The following CBR4 variants were observed in gnomAD, a reference collection of about 807,000 sequenced individuals.
CBR4 encodes carbonyl reductase 4.
Under a neutral mutation model 21.0 loss-of-function variants are expected in CBR4, and 22 were observed. The observed-to-expected ratio is 1.05, with a 90% CI of 0.75 to 1.50. CBR4 has a LOEUF of 1.50. CBR4 is among the 40% of genes most tolerant of loss of function. CBR4 has a pLI of 0.00. For synonymous variants in CBR4, 100 were observed against 104.4 expected, an observed-to-expected ratio of 0.96 and a Z score of 0.26; for missense variants, 302 against 286.3, an observed-to-expected ratio of 1.05 and a Z score of -0.40.
At chr4:168,968,427 G>C (rs939524870) in intron 2 of CBR4, among the ~76,000 whole-genome samples, 1 of 152,194 alleles carries the variant, frequency 6.6e-6, no homozygotes, top group Non-Finnish European at 1.5e-5. Context: ...AGTTGATACA[G>C]CCCTAGGGCA....
At chr4:168,928,204 C>G (rs1353993210) in intron 2 of CBR4, 1 of 186,118 alleles carries the variant, frequency 5.4e-6, no homozygotes, top group Non-Finnish European at 1.1e-5. Context: ...ATGGACCTAT[C>G]TCTATTGTAG....
intron 2 of CBR4, chr4:168,916,036 T>C (rs1389340256): frequency 6.2e-7 from 1 of 1,612,240 alleles, no homozygotes. Context: ...AAGTAAGATT[T>C]TGTTATTGCT....
chr4:168,935,578 G>A (rs1194705312), intron 2 of CBR4, among the ~76,000 whole-genome samples: 2 of 152,290 alleles, frequency 1.3e-5, no homozygotes, highest in South Asian at 2.1e-4. Context: ...TGGTGAGGGA[G>A]GGGTGTCTGC....
intron 2 of CBR4, among the ~76,000 whole-genome samples, chr4:168,954,087 A>T (rs555283308): frequency 6.6e-6 from 1 of 152,330 alleles, no homozygotes; most frequent in East Asian, 1.9e-4. Context: ...GAATCCACCA[A>T]CAGATGAAAA....
chr4:168,960,809 C>A (rs770094846), intron 2 of CBR4, among the ~76,000 whole-genome samples: 2 of 152,168 alleles, frequency 1.3e-5, no homozygotes, highest in African/African-American at 4.8e-5. Flanking sequence ...AGAGAGAGTA[C>A]CTCTTACCAA....
chr4:168,945,467 T>G (rs561540074), intron 2 of CBR4, among the ~76,000 whole-genome samples: 1 of 152,224 alleles, frequency 6.6e-6, no homozygotes, highest in Non-Finnish European at 1.5e-5. Flanking sequence ...TGTTCTCTGC[T>G]AATGAGATTA....
chr4:168,976,279 G>C (rs1281341957), intron 2 of CBR4, among the ~76,000 whole-genome samples: 1 of 152,110 alleles, frequency 6.6e-6, no homozygotes, highest in Non-Finnish European at 1.5e-5. Context: ...CCATGGGCTC[G>C]AGCTAAGGAC....
intron 4 of CBR4, among the ~76,000 whole-genome samples, chr4:168,991,681 A>G (rs911023708): frequency 6.6e-6 from 1 of 152,226 alleles, no homozygotes; most frequent in Non-Finnish European, 1.5e-5. Context: ...AAAATCTTAC[A>G]AGATTAATAC....
rs70961566 is a variant in CBR4 at position 168,971,436 on chromosome 4, A to ATTTTTTT, written n.169+30628_169+30634dup. Among the ~76,000 whole-genome samples the ATTTTTTT allele has an allele frequency of 1.7e-3, 197 of 113,820 alleles. 2 individuals carry two copies. Among genetic ancestry groups the ATTTTTTT allele is most frequent in the Non-Finnish European group, 2.2e-3 (126 of 56,968 alleles). The allele number at this position is 113,820 out of a possible 152,430, so 74.7% of individuals were successfully genotyped here. ...AGGCACACACCACCATGCCCAGCTC[A>ATTTTTTT]TTTTTTTTTTTTTTTTTTTTTTGTA... On this transcript the variant is annotated intron_variant and non_coding_transcript_variant, in intron 2 of 3. Transcript: ENST00000509108.
intron 2 of CBR4, among the ~76,000 whole-genome samples, chr4:168,917,953 C>A (rs1489320456): frequency 6.6e-6 from 1 of 152,088 alleles, no homozygotes. Context: ...GTAATCCCAG[C>A]ACTTTGGGAG....
At chr4:168,923,660 G>A (rs1762020418) in intron 2 of CBR4, among the ~76,000 whole-genome samples, 1 of 151,784 alleles carries the variant, frequency 6.6e-6, no homozygotes, top group Non-Finnish European at 1.5e-5. Context: ...ATACAAAGTG[G>A]AATTTGTAAT....
At chr4:168,945,224 T>C (rs908734346) in intron 2 of CBR4, among the ~76,000 whole-genome samples, 1 of 152,184 alleles carries the variant, frequency 6.6e-6, no homozygotes, top group Non-Finnish European at 1.5e-5. Context: ...ACAAACCTTC[T>C]AGATGACTCT....
chr4:169,009,275 A>C (rs1256092446), intron 1 of CBR4, among the ~76,000 whole-genome samples: 1 of 152,240 alleles, frequency 6.6e-6, no homozygotes, highest in Non-Finnish European at 1.5e-5. Flanking sequence ...ATTCATAATA[A>C]GCCGGAAATA....
chr4:168,914,321 A>C (rs1240612045), intron 2 of CBR4, among the ~76,000 whole-genome samples: 1 of 152,238 alleles, frequency 6.6e-6, no homozygotes, highest in African/African-American at 2.4e-5. Context: ...GCATATGAAA[A>C]TACTACTAAA....
rs369787527 is a variant in CBR4, at chr4:168,974,972, T to C, written n.169+27099A>G. ...TAGTGTGATCTCCTGGGGATGCTATTAAAGAATCTTGTTTTGTCATATTAC... is the reference window on the plus strand; with the variant it reads ...TAGTGTGATCTCCTGGGGATGCTATCAAAGAATCTTGTTTTGTCATATTAC... On this transcript the variant is annotated intron_variant and non_coding_transcript_variant, in intron 2 of 3. Coordinates refer to the CBR4 transcript ENST00000509108. Among the ~76,000 whole-genome samples the C allele has an allele frequency of 6.6e-5, 10 of 152,320 alleles. No homozygotes were observed. The South Asian group carries it at 2.1e-3, about 32-fold the overall frequency.
chr4:168,976,013 C>T (rs948299534), intron 2 of CBR4, among the ~76,000 whole-genome samples: 1 of 152,212 alleles, frequency 6.6e-6, no homozygotes, highest in African/African-American at 2.4e-5. Context: ...AGCTACAAGC[C>T]TTCCTGCTGA....
intron 4 of CBR4, among the ~76,000 whole-genome samples, chr4:168,995,342 G>C (rs1032305505): frequency 2.0e-5 from 3 of 152,144 alleles, no homozygotes; most frequent in Non-Finnish European, 4.4e-5. Flanking sequence ...AAAAAGTAAG[G>C]CCACAAAAGT....
In CBR4 at chr4:168,997,177, G is replaced by A. The variant is rs76044850; in HGVS notation, c.535+4894C>T. Among the ~76,000 whole-genome samples, 1,160 of 152,232 alleles carry A rather than the reference G, an allele frequency of 7.6e-3. 17 individuals are homozygous for A. Among genetic ancestry groups the A allele is most frequent in the African/African-American group, 0.026 (1,084 of 41,534 alleles). On this transcript the variant is annotated intron_variant, in intron 4 of 4. Coordinates refer to ENST00000306193, the MANE Select transcript of CBR4 (RefSeq NM_032783.5). ...TTACAGACTACCAGTAGATGCCACT[G>A]TCCAACAAATGATGCTACTGCATCA...
intron 2 of CBR4, among the ~76,000 whole-genome samples, chr4:168,920,623 A>G (rs1379151607): frequency 1.3e-5 from 2 of 152,310 alleles, no homozygotes; most frequent in Middle Eastern, 3.4e-3. Context: ...ACATGTTATT[A>G]GCAATTAAAT....
Sources: allele counts gnomAD v4.1 joint callset (sites outside exome capture counted in the v4.1 genomes callset), GRCh38; gene constraint gnomAD v4.1.1; transcripts MANE v1.5; gene names NCBI Gene and HGNC (gene_info 2026-07-23, HGNC 2026-07-21).